Variants in NEO1 observed in about 807,000 individuals in gnomAD.
NEO1 encodes the protein neogenin 1, also known as neogenin.
A neutral mutation model predicts 159.7 loss-of-function variants in NEO1; 63 were observed. That is an observed-to-expected ratio of 0.39 (90% confidence interval 0.32 to 0.49). NEO1 has a LOEUF of 0.49. Among genes scored for constraint, NEO1 ranks in the 20% least tolerant of loss-of-function variants. The pLI is 0.85. For missense variants in NEO1, 1,615 were observed against 1,831.0 expected (o/e 0.88, Z 2.15); for synonymous variants, 633 against 662.0 (o/e 0.96, Z 0.67).
intron 5 of NEO1, among the ~76,000 whole-genome samples, chr15:73,166,741 G>A (rs994639442): frequency 2.0e-5 from 3 of 152,134 alleles, no homozygotes; most frequent in African/African-American, 7.2e-5. Context: ...TGGCTCATGG[G>A]TGTGACTTCT....
chr15:73,298,236 ATCGCAAGTG>A (rs1391473678), intron 26 of NEO1, 103 bp from the exon 27 acceptor site: 1 of 1,282,804 alleles, frequency 7.8e-7, no homozygotes, highest in Non-Finnish European at 1.1e-6. Flanking sequence ...ACTAGCACTG[ATCGCAAGTG>A]CTATTGAGCT....
chr15:73,062,241 T>C (rs1316961275), intron 1 of NEO1, among the ~76,000 whole-genome samples: 6 of 152,230 alleles, frequency 3.9e-5, no homozygotes, highest in African/African-American at 1.4e-4. Flanking sequence ...TCTGTAAATT[T>C]CATATTTTAA....
intron 25 of NEO1, among the ~76,000 whole-genome samples, chr15:73,291,403 T>TTA (rs1474583282): frequency 6.6e-6 from 1 of 152,192 alleles, no homozygotes; most frequent in Non-Finnish European, 1.5e-5. Context: ...TTTGCACCAA[T>TTA]ATACAATATT....
At chr15:73,092,587 T>C (rs1380486719) in intron 1 of NEO1, among the ~76,000 whole-genome samples, 2 of 152,218 alleles carry the variant, frequency 1.3e-5, no homozygotes, top group African/African-American at 2.4e-5. Flanking sequence ...TTTTTCAGTG[T>C]TCTTATATTT....
chr15:73,302,886 A>G lies in NEO1; in HGVS notation c.*190A>G, dbSNP rs2042675611. On this transcript the variant is annotated 3_prime_UTR_variant, in exon 29 of 29. Transcript: ENST00000261908. The stretch of plus-strand genomic sequence containing the variant: ...CCTGCCTTCCCCTGGTCAGCCTGGA[A>G]GAAGCCTGTGTCGAGGCAGCTTCCC... 1 of 558,880 alleles carries G rather than the reference A, an allele frequency of 1.8e-6. No homozygotes were observed. The highest frequency in any genetic ancestry group is 3.2e-6 in the Non-Finnish European group (1 of 313,160). 34.6% of individuals were successfully genotyped at this position (558,880 alleles called of 1,614,324 possible).
chr15:73,205,283 T>C (rs1746867311), intron 7 of NEO1, among the ~76,000 whole-genome samples: 1 of 152,208 alleles, frequency 6.6e-6, no homozygotes, highest in South Asian at 2.1e-4. Flanking sequence ...CTGAAGCCCC[T>C]GTCCTCTCTT....
At chr15:73,069,253 C>T (rs535138211) in intron 1 of NEO1, among the ~76,000 whole-genome samples, 29 of 151,340 alleles carry the variant, frequency 1.9e-4, no homozygotes, top group Non-Finnish European at 3.8e-4. Context: ...TGAGCCACTG[C>T]GCACAGCCGA....
At chr15:73,178,073 C>T (rs762725753) in intron 6 of NEO1, among the ~76,000 whole-genome samples, 2 of 152,162 alleles carry the variant, frequency 1.3e-5, no homozygotes, top group African/African-American at 2.4e-5. Context: ...TATGACTTTC[C>T]ATGCGTTAAG....
intron 20 of NEO1, among the ~76,000 whole-genome samples, chr15:73,274,315 T>C (rs2041305268): frequency 6.6e-6 from 1 of 152,192 alleles, no homozygotes; most frequent in African/African-American, 2.4e-5. Context: ...TTGGTTCCCA[T>C]ATAGAGAAAG....
chr15:73,115,916 A>T (rs2151609690), intron 1 of NEO1, among the ~76,000 whole-genome samples: 1 of 152,276 alleles, frequency 6.6e-6, no homozygotes, highest in South Asian at 2.1e-4. Flanking sequence ...CAAGGCTGAA[A>T]TTTTTTATGA....
At chr15:73,221,088 G>A (rs1343582784) in intron 7 of NEO1, among the ~76,000 whole-genome samples, 3 of 152,236 alleles carry the variant, frequency 2.0e-5, no homozygotes, top group East Asian at 3.9e-4. Flanking sequence ...TGATGGTGAT[G>A]TACAGATGGA....
chr15:73,302,482 C>T (rs1567742007), intron 28 of NEO1, 131 bp from the exon 29 acceptor site: 2 of 727,734 alleles, frequency 2.7e-6, no homozygotes, highest in East Asian at 2.8e-5. Context: ...TCTGAGCCAC[C>T]CTGCGTGTTA....
intron 23 of NEO1, 135 bp downstream of exon 23, chr15:73,283,246 A>G: frequency 2.8e-6 from 3 of 1,089,414 alleles, no homozygotes; most frequent in Non-Finnish European, 3.9e-6. Flanking sequence ...TTTTAAAAGA[A>G]AATGGGAAGT....
chr15:73,281,964 T>G (rs940137903), intron 22 of NEO1, among the ~76,000 whole-genome samples: 1 of 152,214 alleles, frequency 6.6e-6, no homozygotes, highest in Non-Finnish European at 1.5e-5. Context: ...CTGAATTTCC[T>G]TCTTCAGGGT....
intron 5 of NEO1, among the ~76,000 whole-genome samples, chr15:73,148,686 T>G (rs1466824282): frequency 2.0e-5 from 3 of 152,184 alleles, no homozygotes; most frequent in Admixed American, 2.0e-4. Context: ...GAAAGTTACA[T>G]GCATTGAATG....
chr15:73,122,788 A>G lies in NEO1; in HGVS notation c.712A>G (p.Lys238Glu), dbSNP rs1567244982. 3 of 1,614,136 alleles carry G rather than the reference A, an allele frequency of 1.9e-6. No homozygotes were observed. In the South Asian group the frequency reaches 3.3e-5, roughly 18 times the overall value. Residue 238 changes from lysine (K) to glutamate (E), a missense_variant, in exon 3 of 29, where the codon AAG becomes GAG. Coordinates refer to ENST00000261908, the MANE Select transcript of NEO1 (RefSeq NM_002499.4). Reference protein sequence around the residue: ...PPKYSDEVELKVLPDPEVISD... With the variant: ...PPKYSDEVELEVLPDPEVISD... ...AAAGTATAGTGATGAAGTTGAATTGAAGGTTCTTCCAGGTATTAACTCATT... is the reference window on the plus strand; with the variant it reads ...AAAGTATAGTGATGAAGTTGAATTGGAGGTTCTTCCAGGTATTAACTCATT...
chr15:73,200,856 G>C (rs963770900), intron 7 of NEO1, among the ~76,000 whole-genome samples: 1 of 151,448 alleles, frequency 6.6e-6, no homozygotes, highest in African/African-American at 2.4e-5. Context: ...GCTAATTTTT[G>C]TATTTTTGGT....
intron 5 of NEO1, among the ~76,000 whole-genome samples, chr15:73,168,130 T>G (rs770931799): frequency 7.0e-4 from 107 of 152,222 alleles, no homozygotes; most frequent in Non-Finnish European, 1.3e-3. Flanking sequence ...AGTCAAGGGC[T>G]AGAAACAGGA....
Position 73,161,400 on chromosome 15 carries a change from C to T in NEO1, c.1016-15003C>T, listed in dbSNP as rs75055961. Among the ~76,000 whole-genome samples, 16 of 152,248 alleles carry T rather than the reference C, an allele frequency of 1.1e-4. No homozygotes were observed. The East Asian group carries it at 3.1e-3, about 29-fold the overall frequency. ...GTCACTTCAATCGTATGAGAATTTT[C>T]ATACATATTTGCATCTATAGTTGTG... On this transcript the variant is annotated intron_variant, in intron 5 of 28. Coordinates refer to ENST00000261908, the MANE Select transcript of NEO1 (RefSeq NM_002499.4).
Sources: gnomAD v4.1 joint callset for allele counts (sites outside exome capture counted in the v4.1 genomes callset) on GRCh38, gnomAD v4.1.1 for gene constraint, MANE v1.5 for transcripts, NCBI Gene and HGNC (gene_info 2026-07-23, HGNC 2026-07-21) for gene names.